The following EFCAB8 variants were observed in gnomAD, a reference collection of about 807,000 sequenced individuals.
EFCAB8 encodes the protein EF-hand calcium binding domain 8, also known as EF-hand calcium-binding domain-containing protein 8.
A neutral mutation model predicts 116.3 loss-of-function variants in EFCAB8; 100 were observed. The ratio of observed to expected loss-of-function variants is 0.86; its 90% CI spans 0.73 to 1.02. EFCAB8 has a LOEUF of 1.02. EFCAB8 is among the 50% of genes least tolerant of loss of function. The pLI is 0.00. For synonymous variants in EFCAB8, 558 were observed against 567.9 expected, an observed-to-expected ratio of 0.98 and a Z score of 0.25; for missense variants, 1,320 against 1,416.9, an observed-to-expected ratio of 0.93 and a Z score of 1.10.
At chr20:32,871,006 G>T (rs934892997) in intron 3 of EFCAB8, among the ~76,000 whole-genome samples, 3 of 151,338 alleles carry the variant, frequency 2.0e-5, no homozygotes, top group African/African-American at 7.3e-5. Context: ...CTACAGGCAC[G>T]CACCACTGGC....
chr20:32,879,830 T>G (rs1389802717), intron 5 of EFCAB8, among the ~76,000 whole-genome samples: 9 of 152,172 alleles, frequency 5.9e-5, no homozygotes, highest in Admixed American at 1.3e-4. Context: ...CAAATTCCTT[T>G]AGTTTAACAG....
intron 5 of EFCAB8, among the ~76,000 whole-genome samples, chr20:32,880,078 G>A (rs1985244471): frequency 6.6e-6 from 1 of 152,102 alleles, no homozygotes; most frequent in East Asian, 1.9e-4. Flanking sequence ...GCAGGGAGCT[G>A]GGTCCTGAGA....
At chr20:32,900,241 G>A (rs781152845) in intron 11 of EFCAB8, among the ~76,000 whole-genome samples, 2 of 152,112 alleles carry the variant, frequency 1.3e-5, no homozygotes, top group South Asian at 2.1e-4. Flanking sequence ...GGCTAATTTC[G>A]TCCAACTCCT....
chr20:32,890,526 C>G (rs1285248769), intron 7 of EFCAB8, among the ~76,000 whole-genome samples: 2 of 152,114 alleles, frequency 1.3e-5, no homozygotes, highest in Non-Finnish European at 2.9e-5. Context: ...CTGCTCAACT[C>G]AGTGTCTCAG....
chr20:32,903,154 G>A (rs1396869752), intron 11 of EFCAB8, among the ~76,000 whole-genome samples: 3 of 152,190 alleles, frequency 2.0e-5, no homozygotes, highest in African/African-American at 4.8e-5. Context: ...TGCCCATCTC[G>A]CCCATGTCCT....
chr20:32,928,246 T>A lies in EFCAB8; in HGVS notation c.2413-2152T>A, dbSNP rs576646981. The stretch of plus-strand genomic sequence containing the variant: ...GAAATGCAACTGATTTTTTATTTTT[T>A]TTTTTTTGAGACAGAGTCTTGCTCT... On this transcript the variant is annotated intron_variant, in intron 20 of 26. Coordinates refer to ENST00000400522, the MANE Select transcript of EFCAB8 (RefSeq NM_001143967.2). Among the ~76,000 whole-genome samples the A allele has an allele frequency of 1.4e-3, 209 of 151,766 alleles. 1 individual carries two copies. Among genetic ancestry groups the A allele is most frequent in the Non-Finnish European group, 2.2e-3 (147 of 67,934 alleles).
At chr20:32,951,871 T>A (rs898877771) in intron 23 of EFCAB8, among the ~76,000 whole-genome samples, 2 of 152,228 alleles carry the variant, frequency 1.3e-5, no homozygotes, top group Non-Finnish European at 2.9e-5. Context: ...TGAGAATGCT[T>A]TATTCTGGAT....
At chr20:32,860,992 G>A (rs1358768759) in intron 1 of EFCAB8, among the ~76,000 whole-genome samples, 1 of 152,032 alleles carries the variant, frequency 6.6e-6, no homozygotes, top group Non-Finnish European at 1.5e-5. Flanking sequence ...TTCCCACCTT[G>A]GCCTCAAGTG....
Position 32,893,294 on chromosome 20 carries a change from G to C in EFCAB8, c.879G>C (p.Lys293Asn). The C allele has an allele frequency of 6.4e-7, 1 of 1,551,762 alleles. No homozygotes were observed. ...FNPRILPRAS[K>N]WDHWIKVSLQ... ...CCCGTATCCTCCCCAGGGCCTCCAA[G>C]TGGGGTAGCTAAGATGCTGGGGAAG... Residue 293 changes from lysine (K) to asparagine (N), a missense_variant, in exon 9 of 27, where the codon AAG becomes AAC. Coordinates refer to ENST00000400522, the MANE Select transcript of EFCAB8 (RefSeq NM_001143967.2).
chr20:32,958,851 A>G (rs1269788401), intron 24 of EFCAB8, among the ~76,000 whole-genome samples: 3 of 152,222 alleles, frequency 2.0e-5, no homozygotes, highest in Non-Finnish European at 4.4e-5. Flanking sequence ...CAGATTTGCT[A>G]GAGCTGGCTT....
intron 1 of EFCAB8, among the ~76,000 whole-genome samples, chr20:32,863,422 C>G (rs1984223649): frequency 1.3e-5 from 2 of 152,148 alleles, no homozygotes; most frequent in African/African-American, 4.8e-5. Context: ...TGTACTTGGA[C>G]TACCACATGG....
At position 32,959,891 on chromosome 20, in the gene EFCAB8, A is replaced by G. The variant is rs371333423; in HGVS notation, c.3203A>G (p.Gln1068Arg). 3 of 1,551,554 alleles carry G rather than the reference A, an allele frequency of 1.9e-6. No homozygotes were observed. In the African/African-American group the frequency reaches 4.1e-5, roughly 21 times the overall value. Reference sequence around the variant, plus strand: ...GAGGCAGACACTTGGGCCAAGCTGCAGAAGATGGCCCTGATGTCCCCGTGG... The same window carrying G: ...GAGGCAGACACTTGGGCCAAGCTGCGGAAGATGGCCCTGATGTCCCCGTGG... ...DKEADTWAKL[Q>R]KMALMSPWAG... Residue 1068 changes from glutamine to arginine, a missense_variant, in exon 25 of 27, where the codon CAG becomes CGG. Transcript: ENST00000400522.
intron 5 of EFCAB8, among the ~76,000 whole-genome samples, 168 bp from the exon 6 acceptor site, chr20:32,885,337 C>G (rs1179123542): frequency 6.6e-6 from 1 of 152,170 alleles, no homozygotes. Context: ...AGTAGAAACC[C>G]GCTTGGAAGA....
chr20:32,939,127 CTTTCTTTCTTTCTTTCTTTCTTT>C (rs1988259108), intron 22 of EFCAB8, among the ~76,000 whole-genome samples: 1,303 of 34,542 alleles, frequency 0.038, 130 homozygotes, highest in African/African-American at 0.086. Flanking sequence ...CTTTCTTTCT[CTTTCTTTCTTTCTTTCTTTCTTT>C]CTTTCTTTCT....
chr20:32,885,326 C>A (rs1333890992), intron 5 of EFCAB8, among the ~76,000 whole-genome samples, 179 bp from the exon 6 acceptor site: 1 of 152,174 alleles, frequency 6.6e-6, no homozygotes. Flanking sequence ...GTTGATGATC[C>A]AGTAGAAACC....
intron 20 of EFCAB8, among the ~76,000 whole-genome samples, chr20:32,927,120 G>A (rs1195790029): frequency 2.0e-5 from 3 of 151,956 alleles, no homozygotes; most frequent in Non-Finnish European, 4.4e-5. Context: ...AAAAAATTAG[G>A]TACAAAAGTG....
chr20:32,866,779 TCTTCCTTC>T (rs1018493938), intron 2 of EFCAB8, among the ~76,000 whole-genome samples: 2 of 141,070 alleles, frequency 1.4e-5, no homozygotes, highest in Non-Finnish European at 3.1e-5. Context: ...TTCCTCCCTT[TCTTCCTTC>T]CTTCCTTCCC....
chr20:32,875,167 C>T (rs999701254), intron 3 of EFCAB8, among the ~76,000 whole-genome samples: 1 of 152,198 alleles, frequency 6.6e-6, no homozygotes, highest in African/African-American at 2.4e-5. Context: ...GTGGGACCAA[C>T]ACAGTGCTCC....
In EFCAB8 at chr20:32,862,816, ACAGGGTTTCAATATGTTGGC is replaced by A. The variant is rs556756246; in HGVS notation, c.-10-962_-10-943del. 2.0e-4 allele frequency among the ~76,000 whole-genome samples: 30 copies of A among 152,018 alleles called. No individual in the cohort carries two copies. In the East Asian group the frequency reaches 5.6e-3, roughly 28 times the overall value. ...CTAATTTTTTATATTTTTAGTAGAG[ACAGGGTTTCAATATGTTGGC>A]CAGGCTGGTCTCATTTGAACTGTTG... On this transcript the variant is annotated intron_variant, in intron 1 of 26. Transcript: ENST00000400522.
Sources: gnomAD v4.1 joint callset for allele counts (sites outside exome capture counted in the v4.1 genomes callset) on GRCh38, gnomAD v4.1.1 for gene constraint, MANE v1.5 for transcripts, NCBI Gene and HGNC (gene_info 2026-07-23, HGNC 2026-07-21) for gene names.